RNF212: variants seen among roughly 807,000 people sequenced by gnomAD.
RNF212 encodes the protein probable E3 SUMO-protein ligase RNF212.
A neutral mutation model predicts 34.7 loss-of-function variants in RNF212; 33 were observed. That is an observed-to-expected ratio of 0.95 (90% CI 0.72 to 1.27). RNF212 has a LOEUF of 1.27. RNF212 is among the 50% of genes most tolerant of loss of function. RNF212 has a pLI of 0.00. For synonymous variants in RNF212, 140 were observed against 136.1 expected, an observed-to-expected ratio of 1.03 and a Z score of -0.20; for missense variants, 377 against 362.2, an observed-to-expected ratio of 1.04 and a Z score of -0.33.
chr4:1,084,739 A>C (rs1577700487), intron 5 of RNF212, among the ~76,000 whole-genome samples: 2 of 151,654 alleles, frequency 1.3e-5, no homozygotes, highest in African/African-American at 4.8e-5. Flanking sequence ...AAAAAAAAAA[A>C]AAAAAAAAAA....
At chr4:1,077,530 G>A (rs1719523011) in intron 8 of RNF212, among the ~76,000 whole-genome samples, 1 of 152,192 alleles carries the variant, frequency 6.6e-6, no homozygotes, top group African/African-American at 2.4e-5. Context: ...CGACATGCCT[G>A]CTGCCTGCCA....
chr4:1,079,927 GCCCTGGTTGGGCTCT>G (rs1465551636), intron 7 of RNF212, among the ~76,000 whole-genome samples: 3 of 152,188 alleles, frequency 2.0e-5, no homozygotes, highest in African/African-American at 7.2e-5. Context: ...TGGCCGGCCC[GCCCTGGTTGGGCTCT>G]CCCTGGCATT....
chr4:1,081,837 C>T lies in RNF212; in HGVS notation c.363-218G>A, dbSNP rs1013352248. 1.8e-5 allele frequency: 10 copies of T among 547,226 alleles called. No individual in the cohort carries two copies. In the East Asian group the frequency reaches 2.8e-4, roughly 15 times the overall value. 33.9% of individuals were successfully genotyped at this position (547,226 alleles called of 1,614,324 possible). A position where few individuals can be genotyped will look rare whatever the true frequency, so the allele number is the denominator to read the frequency against. ...GAAGCCAAGTGAACTCAACACCCCACTGCCATTTACATCACTGGCTCTTAC... is the reference window on the plus strand; with the variant it reads ...GAAGCCAAGTGAACTCAACACCCCATTGCCATTTACATCACTGGCTCTTAC... On this transcript the variant is annotated intron_variant, in intron 5 of 9. Coordinates refer to ENST00000433731, the MANE Select transcript of RNF212 (RefSeq NM_001131034.4).
intron 1 of RNF212, among the ~76,000 whole-genome samples, chr4:1,110,916 G>C (rs1725557884): frequency 6.6e-6 from 1 of 152,180 alleles, no homozygotes; most frequent in Non-Finnish European, 1.5e-5. Flanking sequence ...CAGGCTTTAA[G>C]AGCTAGGCAA....
In RNF212 at chr4:1,113,457, T is replaced by C. The variant is rs78978823; in HGVS notation, c.8A>G (p.Asn3Ser). Residue 3 changes from asparagine (N) to serine (S), a missense_variant, in exon 1 of 10, where the codon AAC becomes AGC. Asn to Ser is a conservative substitution (Grantham distance 46, BLOSUM62 1). Coordinates refer to ENST00000433731, the MANE Select transcript of RNF212 (RefSeq NM_001131034.4). MA[N>S]WVFCNRCFQP... The stretch of plus-strand genomic sequence containing the variant: ...GAAGCAGCGATTACAGAACACCCAG[T>C]TGGCCATGCCAGGCGGGCGACCGCA... 5,609 of 1,606,548 alleles carry C rather than the reference T, an allele frequency of 3.5e-3. 192 individuals carry two copies. In the African/African-American group the frequency reaches 0.067, roughly 19 times the overall value.
intron 5 of RNF212, 56 bp downstream of exon 5, chr4:1,085,840 A>G (rs781431533): frequency 2.6e-6 from 3 of 1,159,482 alleles, no homozygotes; most frequent in African/African-American, 1.5e-5. Flanking sequence ...CAGACGACCA[A>G]TGCACATGGC....
chr4:1,082,282 T>C (rs1204435248), intron 5 of RNF212, among the ~76,000 whole-genome samples: 1 of 152,234 alleles, frequency 6.6e-6, no homozygotes, highest in African/African-American at 2.4e-5. Context: ...CCACCTGCTG[T>C]GCCCTGTGAC....
intron 1 of RNF212, among the ~76,000 whole-genome samples, chr4:1,109,050 C>T (rs1241397637): frequency 6.7e-6 from 1 of 148,342 alleles, no homozygotes; most frequent in Non-Finnish European, 1.5e-5. Flanking sequence ...CTCTGTCACC[C>T]AGGCGGGAGT....
intron 2 of RNF212, among the ~76,000 whole-genome samples, chr4:1,102,455 C>T (rs1270676259): frequency 1.3e-5 from 2 of 152,114 alleles, no homozygotes; most frequent in East Asian, 1.9e-4. Flanking sequence ...TCTATGTATA[C>T]ATGGACACAC....
At chr4:1,090,022 G>C (rs746599446) in intron 4 of RNF212, among the ~76,000 whole-genome samples, 5 of 151,344 alleles carry the variant, frequency 3.3e-5, no homozygotes, top group Non-Finnish European at 5.9e-5. Context: ...GGGATGAGGG[G>C]TGACGGGATG....
At chr4:1,063,797 C>A (rs1717907994) in intron 3 of RNF212, among the ~76,000 whole-genome samples, 1 of 151,522 alleles carries the variant, frequency 6.6e-6, no homozygotes, top group Admixed American at 6.6e-5. Context: ...TTGATTGAGC[C>A]CAGGAGGTCC....
chr4:1,101,272 T>C, intron 2 of RNF212: 1 of 332,182 alleles, frequency 3.0e-6, no homozygotes, highest in Non-Finnish European at 5.9e-6. Flanking sequence ...TGGTCTTTTG[T>C]CCCTTTCACT....
intron 1 of RNF212, among the ~76,000 whole-genome samples, 173 bp from the exon 2 acceptor site, chr4:1,108,577 G>T (rs73063723): frequency 6.6e-6 from 1 of 152,122 alleles, no homozygotes; most frequent in Non-Finnish European, 1.5e-5. Context: ...AGGATTTATA[G>T]AACTAACATT....
chr4:1,111,975 C>G lies in RNF212; in HGVS notation c.109+1381G>C, dbSNP rs556030582. ...TTGCTAATCCCACATTTCGGGAGGC[C>G]AAGGCCGGTGATTGTTAGAGGACAG... On this transcript the variant is annotated intron_variant, in intron 1 of 9. Coordinates refer to ENST00000433731, the MANE Select transcript of RNF212 (RefSeq NM_001131034.4). 1.7e-3 allele frequency among the ~76,000 whole-genome samples: 262 copies of G among 152,308 alleles called. 1 individual carries two copies. Among genetic ancestry groups the G allele is most frequent in the African/African-American group, 6.0e-3 (248 of 41,554 alleles).
chr4:1,073,156 C>T lies in RNF212; in HGVS notation c.612G>A (p.Trp204Ter). The change falls in exon 10 of 10, where the codon TGG (tryptophan) becomes TGA (stop). Residue 204 changes from tryptophan (W) to a stop codon, truncating the protein, a stop_gained. Transcript: ENST00000433731. LOFTEE classifies it low-confidence loss of function (END_TRUNC). The part of the protein sequence containing the change: ...HLTASFCFIP[W>*]LTLSKPPVPG... ...GCACAGGGGGCTTAGACAAGGTCAACCATGGGATGAAACAGAAAGAAGCTG... is the reference window on the plus strand; with the variant it reads ...GCACAGGGGGCTTAGACAAGGTCAATCATGGGATGAAACAGAAAGAAGCTG... 2 of 1,614,146 alleles carry T rather than the reference C, an allele frequency of 1.2e-6. No individual in the cohort carries two copies. Among genetic ancestry groups the T allele is most frequent in the Non-Finnish European group, 1.7e-6 (2 of 1,180,030 alleles).
At chr4:1,097,354 C>T (rs1402860202) in intron 2 of RNF212, among the ~76,000 whole-genome samples, 2 of 152,280 alleles carry the variant, frequency 1.3e-5, no homozygotes, top group East Asian at 3.9e-4. Flanking sequence ...CTTGTAATCT[C>T]AGCACTTTGG....
Position 1,089,276 on chromosome 4 carries a change from A to C in RNF212, c.303+1506T>G, listed in dbSNP as rs536588614. ...AATCAGCATGTCCTGGATGTGAGACATTGGGTAAAAGGATAAATTTAAGAT... is the reference window on the plus strand; with the variant it reads ...AATCAGCATGTCCTGGATGTGAGACCTTGGGTAAAAGGATAAATTTAAGAT... On this transcript the variant is annotated intron_variant, in intron 4 of 9. Coordinates refer to ENST00000433731, the MANE Select transcript of RNF212 (RefSeq NM_001131034.4). Among the ~76,000 whole-genome samples, 6 of 152,352 alleles carry C rather than the reference A, an allele frequency of 3.9e-5. No homozygotes were observed. The South Asian group carries it at 1.2e-3, about 32-fold the overall frequency.
chr4:1,072,502 G>C lies in RNF212; in HGVS notation c.*372C>G. The stretch of plus-strand genomic sequence containing the variant: ...GATGGGGGAGCTGTGCGTGTGTGGA[G>C]TCATGGTGTATATGGGAAATCTGTA... On this transcript the variant is annotated 3_prime_UTR_variant, in exon 10 of 10. Coordinates refer to ENST00000433731, the MANE Select transcript of RNF212 (RefSeq NM_001131034.4). 1 of 228,462 alleles carries C rather than the reference G, an allele frequency of 4.4e-6. No homozygotes were observed. Among genetic ancestry groups the C allele is most frequent in the South Asian group, 7.7e-5 (1 of 12,978 alleles). The allele number at this position is 228,462 out of a possible 1,614,324, so 14.2% of individuals were successfully genotyped here. A position where few individuals can be genotyped will look rare whatever the true frequency, so the allele number is the denominator to read the frequency against.
chr4:1,058,778 G>A (rs753411735), intron 3 of RNF212, among the ~76,000 whole-genome samples: 6 of 152,192 alleles, frequency 3.9e-5, no homozygotes, highest in East Asian at 1.9e-4. Context: ...CCCTCGGCCC[G>A]TGGGCTCTGC....
Sources: allele counts gnomAD v4.1 joint callset (sites outside exome capture counted in the v4.1 genomes callset), GRCh38; gene constraint gnomAD v4.1.1; transcripts MANE v1.5; gene names NCBI Gene and HGNC (gene_info 2026-07-23, HGNC 2026-07-21).